MAGI1: variants seen among roughly 807,000 people sequenced by gnomAD.
MAGI1 encodes membrane associated guanylate kinase, WW and PDZ domain containing 1.
MAGI1 carries 58 observed loss-of-function variants against 139.9 expected under a neutral mutation model. The ratio of observed to expected loss-of-function variants is 0.41; its 90% CI spans 0.34 to 0.52. The LOEUF (loss-of-function observed/expected upper bound fraction) is 0.52. Among genes scored for constraint, MAGI1 ranks in the 20% least tolerant of loss-of-function variants. The pLI, the probability that MAGI1 is intolerant of heterozygous loss-of-function variation, is 0.12. For missense variants in MAGI1, 1,874 were observed against 1,901.6 expected (o/e 0.99, Z 0.27); for synonymous variants, 812 against 737.9 (o/e 1.10, Z -1.63).
chr3:65,626,932 T>G (rs2084000153), intron 1 of MAGI1, among the ~76,000 whole-genome samples: 1 of 152,218 alleles, frequency 6.6e-6, no homozygotes, highest in African/African-American at 2.4e-5. Context: ...AGTGAGCCAA[T>G]AAAATAAGTT....
intron 2 of MAGI1, among the ~76,000 whole-genome samples, chr3:65,555,450 G>A (rs1442894784): frequency 6.6e-6 from 1 of 152,170 alleles, no homozygotes; most frequent in Non-Finnish European, 1.5e-5. Flanking sequence ...TTTGCTCATG[G>A]GAGTGGATGG....
intron 2 of MAGI1, among the ~76,000 whole-genome samples, chr3:65,611,650 ATATAC>A (rs1330006863): frequency 6.8e-6 from 1 of 147,412 alleles, no homozygotes; most frequent in Non-Finnish European, 1.5e-5. Context: ...CTAGTATTAT[ATATAC>A]TATACTATTA....
chr3:65,899,547 C>G (rs1235395406), intron 1 of MAGI1, among the ~76,000 whole-genome samples: 1 of 152,176 alleles, frequency 6.6e-6, no homozygotes, highest in Non-Finnish European at 1.5e-5. Flanking sequence ...ACACTACCAT[C>G]CTTTTGTGAC....
intron 1 of MAGI1, among the ~76,000 whole-genome samples, chr3:65,630,294 C>T (rs1401951306): frequency 6.6e-6 from 1 of 152,026 alleles, no homozygotes; most frequent in Non-Finnish European, 1.5e-5. Context: ...CAGGCAGAGA[C>T]AATTGTTAAG....
At chr3:66,025,582 T>C (rs986450524) in intron 1 of MAGI1, among the ~76,000 whole-genome samples, 1 of 152,184 alleles carries the variant, frequency 6.6e-6, no homozygotes, top group Non-Finnish European at 1.5e-5. Context: ...AAGTCCATGA[T>C]ATGCTGTTAG....
chr3:65,970,513 C>A (rs1429189172), intron 1 of MAGI1, among the ~76,000 whole-genome samples: 9 of 140,132 alleles, frequency 6.4e-5, no homozygotes, highest in Admixed American at 1.4e-4. Context: ...GTATACTTTA[C>A]AATTTTGTTA....
At chr3:65,681,437 T>C (rs936454804) in intron 1 of MAGI1, among the ~76,000 whole-genome samples, 1 of 152,236 alleles carries the variant, frequency 6.6e-6, no homozygotes, top group Non-Finnish European at 1.5e-5. Flanking sequence ...GTGAGTTATA[T>C]CATTTTTTTA....
intron 1 of MAGI1, among the ~76,000 whole-genome samples, chr3:66,007,248 C>T (rs56957837): frequency 0.087 from 13,215 of 152,194 alleles, 723 homozygotes; most frequent in Middle Eastern, 0.17. Context: ...CCTGGACCTG[C>T]CTCGGTAGAA....
intron 1 of MAGI1, among the ~76,000 whole-genome samples, chr3:65,943,975 T>C (rs2063440550): frequency 6.6e-6 from 1 of 152,298 alleles, no homozygotes; most frequent in South Asian, 2.1e-4. Flanking sequence ...GGCAGCATCA[T>C]ATAGCTTGTG....
intron 1 of MAGI1, among the ~76,000 whole-genome samples, chr3:65,857,066 C>A (rs2059398538): frequency 6.6e-6 from 1 of 152,194 alleles, no homozygotes; most frequent in South Asian, 2.1e-4. Context: ...CTTATTGGGG[C>A]TCATGGCCAC....
chr3:65,635,180 T>C (rs1278150445), intron 1 of MAGI1, among the ~76,000 whole-genome samples: 1 of 152,122 alleles, frequency 6.6e-6, no homozygotes, highest in East Asian at 1.9e-4. Context: ...TTCTCCCACC[T>C]CAGCCTCCCG....
intron 1 of MAGI1, among the ~76,000 whole-genome samples, chr3:65,762,129 TCACTAGGTATAAGC>T (rs541134867): frequency 1.3e-5 from 2 of 152,176 alleles, no homozygotes; most frequent in South Asian, 4.1e-4. Flanking sequence ...TGGCTGCATT[TCACTAGGTATAAGC>T]CACTTCCAGC....
intron 13 of MAGI1, among the ~76,000 whole-genome samples, chr3:65,392,202 C>A (rs1358740151): frequency 6.6e-6 from 1 of 152,162 alleles, no homozygotes; most frequent in Non-Finnish European, 1.5e-5. Flanking sequence ...TCAGCAAAGA[C>A]CCTTCTCATT....
At chr3:65,727,473 T>C (rs1246682561) in intron 1 of MAGI1, among the ~76,000 whole-genome samples, 5 of 152,212 alleles carry the variant, frequency 3.3e-5, no homozygotes, top group African/African-American at 7.2e-5. Context: ...CGAGCAATCC[T>C]CCAGCCTCAG....
intron 1 of MAGI1, among the ~76,000 whole-genome samples, chr3:65,807,416 C>T (rs1380243353): frequency 6.6e-6 from 1 of 152,164 alleles, no homozygotes; most frequent in Non-Finnish European, 1.5e-5. Context: ...ATGAGAGCTC[C>T]ACCCTCGTGA....
intron 18 of MAGI1, among the ~76,000 whole-genome samples, chr3:65,370,311 T>G (rs148662350): frequency 2.0e-5 from 3 of 152,180 alleles, no homozygotes; most frequent in Non-Finnish European, 4.4e-5. Flanking sequence ...TCTGCCAGAC[T>G]TGATTCCCTT....
Position 65,426,134 on chromosome 3 carries a change from G to A in MAGI1, c.2167+3386C>T, listed in dbSNP as rs138288330. Among the ~76,000 whole-genome samples the A allele has an allele frequency of 1.4e-3, 208 of 152,206 alleles. 1 individual carries two copies. The East Asian group carries it at 0.014, about 10-fold the overall frequency. ...CTGCCCTTTAAAAACCTGAGTGATC[G>A]ACTGGCAAGCAGGGAGATGTTGATG... On this transcript the variant is annotated intron_variant, in intron 12 of 22. Transcript: ENST00000402939.
chr3:65,904,667 C>T (rs62245751), intron 1 of MAGI1, among the ~76,000 whole-genome samples: 1 of 152,204 alleles, frequency 6.6e-6, no homozygotes, highest in Admixed American at 6.5e-5. Context: ...TCTTAGACCA[C>T]CCTGGCTAAG....
chr3:65,427,289 G>A (rs1278284237), intron 12 of MAGI1, among the ~76,000 whole-genome samples: 1 of 152,138 alleles, frequency 6.6e-6, no homozygotes, highest in East Asian at 1.9e-4. Context: ...TCCAGCCTGG[G>A]TGACAAAGTG....
Sources: allele counts gnomAD v4.1 joint callset (sites outside exome capture counted in the v4.1 genomes callset), GRCh38; gene constraint gnomAD v4.1.1; transcripts MANE v1.5; gene names NCBI Gene and HGNC (gene_info 2026-07-23, HGNC 2026-07-21).